Variants in DHRS3 observed in about 807,000 individuals in gnomAD.
The protein encoded by DHRS3 is dehydrogenase/reductase 3.
In DHRS3, 14 loss-of-function variants were observed where a neutral mutation model predicts 27.2. That is an observed-to-expected ratio of 0.52 (90% confidence interval 0.34 to 0.81). DHRS3 has a LOEUF of 0.81. Ranked by LOEUF, DHRS3 falls within the 30% of genes least tolerant of loss-of-function variation. DHRS3 has a pLI of 0.01. For synonymous variants in DHRS3, 165 were observed against 175.9 expected (o/e 0.94, Z 0.49); for missense variants, 322 against 406.2 (o/e 0.79, Z 1.78).
intron 1 of DHRS3, among the ~76,000 whole-genome samples, chr1:12,607,301 G>C (rs1457289189): frequency 2.0e-5 from 3 of 152,172 alleles, no homozygotes; most frequent in African/African-American, 7.2e-5. Context: ...ATACAGTTAA[G>C]CATTGTGTCC....
chr1:12,577,738 A>G (rs370897852), intron 4 of DHRS3, among the ~76,000 whole-genome samples: 5 of 152,078 alleles, frequency 3.3e-5, no homozygotes, highest in African/African-American at 1.2e-4. Context: ...CAGGAGAATC[A>G]CTTGAACCCA....
chr1:12,568,423 T>C lies in DHRS3; in HGVS notation c.826A>G (p.Ile276Val). 4 of 1,613,426 alleles carry C rather than the reference T, an allele frequency of 2.5e-6. No individual in the cohort carries two copies. Among genetic ancestry groups the C allele is most frequent in the Non-Finnish European group, 2.5e-6 (3 of 1,179,472 alleles). The stretch of plus-strand genomic sequence containing the variant: ...TCCTCGAGTGCAGCCTGTGGAAGTA[T>C]GCTGGAGTAGGAGGAAGAAAAGAAG... Reference protein sequence around the residue: ...TMHALVILKSILPQAALEEIH... With the variant: ...TMHALVILKSVLPQAALEEIH... Residue 276 changes from isoleucine to valine, a missense_variant and splice_region_variant, in exon 6 of 6, where the codon ATA becomes GTA. Transcript: ENST00000616661.
rs1646883762 is a variant in DHRS3 at position 12,608,209 on chromosome 1, T to C, written c.195+8945A>G. ...TTTATTTTCATCCTTTAATTCCATT[T>C]TCCACCACCTTTTTGAAGTCCCCTT... On this transcript the variant is annotated intron_variant, in intron 1 of 5. Coordinates refer to ENST00000616661, the MANE Select transcript of DHRS3 (RefSeq NM_004753.7). The surrounding 1 kb of genome is among the most constrained non-coding windows in gnomAD (Gnocchi z 4.1). Among the ~76,000 whole-genome samples, 1 of 152,176 alleles carries C rather than the reference T, an allele frequency of 6.6e-6. No individual in the cohort carries two copies.
chr1:12,617,356 G>A lies in DHRS3; in HGVS notation c.-8C>T, dbSNP rs201421000. ...CAGCCGTTTCCACACCATCCTCCGC[G>A]CCGCGGAGCCGGGCAGGGGGCGAAA... is the stretch of plus-strand genomic sequence containing the variant. On this transcript the variant is annotated 5_prime_UTR_variant, in exon 1 of 6. Transcript: ENST00000616661. The A allele has an allele frequency of 6.3e-7, 1 of 1,595,252 alleles. No individual in the cohort carries two copies. Among genetic ancestry groups the A allele is most frequent in the Admixed American group, 1.7e-5 (1 of 59,362 alleles).
chr1:12,576,000 C>G (rs936922437), intron 4 of DHRS3, among the ~76,000 whole-genome samples: 1 of 152,072 alleles, frequency 6.6e-6, no homozygotes, highest in Admixed American at 6.5e-5. Flanking sequence ...AGCCACCGTG[C>G]CCAGCTGGGG....
chr1:12,616,842 A>C, intron 1 of DHRS3: 7 of 987,278 alleles, frequency 7.1e-6, no homozygotes, highest in African/African-American at 1.7e-5. Flanking sequence ...GGAGGGGGGC[A>C]CAACACCTTC....
intron 1 of DHRS3, among the ~76,000 whole-genome samples, chr1:12,598,533 C>T (rs1395784974): frequency 1.3e-5 from 2 of 152,178 alleles, no homozygotes; most frequent in African/African-American, 4.8e-5. Context: ...TTGACACACG[C>T]GTTTAGAGCA....
At chr1:12,585,229 C>CTCTGTGTGTGTG (rs1469782202) in intron 1 of DHRS3, among the ~76,000 whole-genome samples, 4 of 102,088 alleles carry the variant, frequency 3.9e-5, no homozygotes, top group African/African-American at 1.5e-4. Flanking sequence ...GTGTGTGTGT[C>CTCTGTGTGTGTG]TATGTGAGTG....
intron 1 of DHRS3, among the ~76,000 whole-genome samples, chr1:12,589,353 G>A (rs536667498): frequency 4.6e-4 from 69 of 151,158 alleles, no homozygotes; most frequent in Non-Finnish European, 8.1e-4. Flanking sequence ...ATGAATTAAG[G>A]TTTAAAACAT....
intron 1 of DHRS3, among the ~76,000 whole-genome samples, chr1:12,612,010 G>A (rs1260610720): frequency 2.0e-5 from 3 of 152,120 alleles, no homozygotes; most frequent in Admixed American, 6.5e-5. Flanking sequence ...GCAGGGGGGC[G>A]TGGTCCCAGA....
rs1369618120 is a variant in DHRS3, at chr1:12,608,932, C to A, written c.195+8222G>T. Among the ~76,000 whole-genome samples the A allele has an allele frequency of 6.6e-6, 1 of 152,222 alleles. No homozygotes were observed. Among genetic ancestry groups the A allele is most frequent in the African/African-American group, 2.4e-5 (1 of 41,462 alleles). The stretch of plus-strand genomic sequence containing the variant: ...CTAAGTCATGGCTTCTAGCCCTTGT[C>A]ACCCAGCCTGCTCCCTGGATACCTT... On this transcript the variant is annotated intron_variant, in intron 1 of 5. Coordinates refer to ENST00000616661, the MANE Select transcript of DHRS3 (RefSeq NM_004753.7). This position sits in a 1 kb window ranked among gnomAD's most constrained non-coding sequence, Gnocchi z 4.1.
intron 4 of DHRS3, among the ~76,000 whole-genome samples, chr1:12,577,758 G>A (rs1347088047): frequency 6.6e-6 from 1 of 152,178 alleles, no homozygotes; most frequent in African/African-American, 2.4e-5. Context: ...AGGAGGTGGA[G>A]GTTGCAGTGA....
chr1:12,597,684 G>A (rs1646808027), intron 1 of DHRS3, among the ~76,000 whole-genome samples: 1 of 152,234 alleles, frequency 6.6e-6, no homozygotes, highest in African/African-American at 2.4e-5. Flanking sequence ...ATGAATGAAT[G>A]AAATAGTTTT....
intron 1 of DHRS3, among the ~76,000 whole-genome samples, chr1:12,600,657 C>A (rs1383284930): frequency 6.6e-6 from 1 of 152,140 alleles, no homozygotes; most frequent in East Asian, 1.9e-4. Context: ...AAAGGAAGAC[C>A]CCCCTCACCA....
chr1:12,578,596 G>A lies in DHRS3; in HGVS notation c.698+122C>T. ...GGCTTCCCAAAATGCTAGGATTATA[G>A]GTATGAGGCACCGTGCCTAGCCCGA... On this transcript the variant is annotated intron_variant, in intron 4 of 5. Coordinates refer to ENST00000616661, the MANE Select transcript of DHRS3 (RefSeq NM_004753.7). The surrounding 1 kb of genome is among the most constrained non-coding windows in gnomAD (Gnocchi z 4.5). The A allele has an allele frequency of 2.1e-6, 2 of 968,038 alleles. No individual in the cohort carries two copies. The highest frequency in any genetic ancestry group is 3.2e-6 in the Non-Finnish European group (2 of 627,890). The allele number at this position is 968,038 out of a possible 1,614,324, so 60.0% of individuals were successfully genotyped here.
chr1:12,569,231 TCACACA>T (rs57427000), intron 5 of DHRS3, among the ~76,000 whole-genome samples: 53 of 110,580 alleles, frequency 4.8e-4, no homozygotes, highest in South Asian at 8.9e-4. Context: ...TCTCTCTCTC[TCACACA>T]CACACACACA....
chr1:12,584,700 C>T lies in DHRS3; in HGVS notation c.196-4034G>A, dbSNP rs557576818. Among the ~76,000 whole-genome samples, 16 of 152,270 alleles carry T rather than the reference C, an allele frequency of 1.1e-4. No individual in the cohort carries two copies. In the South Asian group the frequency reaches 2.3e-3, roughly 22 times the overall value. On this transcript the variant is annotated intron_variant, in intron 1 of 5. Coordinates refer to ENST00000616661, the MANE Select transcript of DHRS3 (RefSeq NM_004753.7). ...AACCTTCCACTCAAGTCTACCTGGG[C>T]GCCCCAGAGCATCAGCACCTTCCTG...
intron 1 of DHRS3, among the ~76,000 whole-genome samples, chr1:12,603,820 T>G (rs1304878196): frequency 6.6e-6 from 1 of 152,160 alleles, no homozygotes; most frequent in Non-Finnish European, 1.5e-5. Flanking sequence ...CCCAGTGGCC[T>G]TCACCAGGCT....
chr1:12,585,597 G>A (rs1432554091), intron 1 of DHRS3, among the ~76,000 whole-genome samples: 1 of 152,190 alleles, frequency 6.6e-6, no homozygotes, highest in Non-Finnish European at 1.5e-5. Context: ...GCCCTGTGGA[G>A]CTGCCCCAGC....
Sources: allele counts gnomAD v4.1 joint callset (sites outside exome capture counted in the v4.1 genomes callset), GRCh38; gene constraint gnomAD v4.1.1; non-coding constraint Gnocchi (gnomAD v3.1); transcripts MANE v1.5; gene names NCBI Gene and HGNC (gene_info 2026-07-23, HGNC 2026-07-21).